Variants in EHBP1 observed in about 807,000 individuals in gnomAD.
EHBP1 encodes EH domain binding protein 1.
Under a neutral mutation model 144.0 loss-of-function variants are expected in EHBP1, and 55 were observed. The ratio of observed to expected loss-of-function variants is 0.38; its 90% CI spans 0.31 to 0.48. The LOEUF (loss-of-function observed/expected upper bound fraction) is 0.48. Ranked by LOEUF, EHBP1 falls within the 20% of genes least tolerant of loss-of-function variation. EHBP1 has a pLI of 0.98. For synonymous variants in EHBP1, 469 were observed against 472.7 expected, an observed-to-expected ratio of 0.99 and a Z score of 0.10; for missense variants, 1,200 against 1,364.2, an observed-to-expected ratio of 0.88 and a Z score of 1.90.
chr2:62,815,005 G>A (rs1235149617), intron 5 of EHBP1, among the ~76,000 whole-genome samples: 12 of 152,128 alleles, frequency 7.9e-5, no homozygotes, highest in Non-Finnish European at 1.5e-5. Flanking sequence ...CCCTGAAATG[G>A]CACTTATAGA....
rs1345706398 is a variant in EHBP1 at position 62,943,824 on chromosome 2, C to G, written c.1387C>G (p.Gln463Glu). 6.2e-7 allele frequency: 1 copy of G among 1,603,768 alleles called. No individual in the cohort carries two copies. Among genetic ancestry groups the G allele is most frequent in the Non-Finnish European group, 8.5e-7 (1 of 1,173,640 alleles). Reference sequence around the variant, plus strand: ...CAGTGACTACAAGTCTCTGAATCCTCAAGATATTAAAGAGAACAACAAAAA... The same window carrying G: ...CAGTGACTACAAGTCTCTGAATCCTGAAGATATTAAAGAGAACAACAAAAA... ...DLIDYKSLNP[Q>E]DIKENNKKAY... Residue 463 changes from glutamine to glutamate, a missense_variant, in exon 12 of 23, where the codon CAA becomes GAA. Transcript: ENST00000431489.
intron 2 of EHBP1, among the ~76,000 whole-genome samples, chr2:62,713,681 T>C (rs1379213413): frequency 1.3e-5 from 2 of 152,246 alleles, no homozygotes; most frequent in African/African-American, 4.8e-5. Flanking sequence ...TGCAGTACTT[T>C]CTATGTTGCA....
chr2:62,845,661 C>T (rs946255301), intron 7 of EHBP1, among the ~76,000 whole-genome samples: 11 of 148,792 alleles, frequency 7.4e-5, no homozygotes, highest in South Asian at 2.1e-4. Context: ...CTAGGCATCT[C>T]GTGAACAAAA....
chr2:63,011,142 C>CAAA (rs58109395), intron 19 of EHBP1, among the ~76,000 whole-genome samples: 5 of 43,826 alleles, frequency 1.1e-4, no homozygotes, highest in East Asian at 1.4e-3. Flanking sequence ...CCTCACTTGT[C>CAAA]AAAAAAAAAA....
chr2:62,912,171 C>T (rs1229320101), intron 10 of EHBP1, among the ~76,000 whole-genome samples: 1 of 152,058 alleles, frequency 6.6e-6, no homozygotes, highest in Non-Finnish European at 1.5e-5. Flanking sequence ...TCAAGATAGT[C>T]ATCAGAGAGT....
intron 10 of EHBP1, among the ~76,000 whole-genome samples, chr2:62,875,662 A>G (rs917651536): frequency 7.2e-5 from 11 of 152,218 alleles, no homozygotes; most frequent in African/African-American, 2.7e-4. Flanking sequence ...AATGACAGAC[A>G]TAGAATTCAG....
intron 1 of EHBP1, among the ~76,000 whole-genome samples, chr2:62,699,110 TC>T (rs1305673117): frequency 1.3e-5 from 2 of 152,220 alleles, no homozygotes; most frequent in Non-Finnish European, 2.9e-5. Context: ...TCTTTGCCTT[TC>T]CTGTCTAGCC....
chr2:62,950,042 A>C (rs575570258), intron 13 of EHBP1, among the ~76,000 whole-genome samples: 47 of 152,186 alleles, frequency 3.1e-4, no homozygotes, highest in Non-Finnish European at 6.8e-4. Context: ...TTTTAGGCAA[A>C]ATAAATTGAT....
chr2:62,750,774 GCT>G (rs1351703701), intron 3 of EHBP1, among the ~76,000 whole-genome samples: 1 of 152,018 alleles, frequency 6.6e-6, no homozygotes, highest in Admixed American at 6.6e-5. Flanking sequence ...TCATGATTTG[GCT>G]CTCTGTTTGT....
At chr2:62,840,169 C>T (rs1017336687) in intron 7 of EHBP1, among the ~76,000 whole-genome samples, 1 of 149,734 alleles carries the variant, frequency 6.7e-6, no homozygotes, top group African/African-American at 2.5e-5. Context: ...GAACAGAGCC[C>T]TCAGAAATAA....
At chr2:62,853,734 A>G (rs1431498268) in intron 7 of EHBP1, among the ~76,000 whole-genome samples, 1 of 152,220 alleles carries the variant, frequency 6.6e-6, no homozygotes, top group African/African-American at 2.4e-5. Context: ...TTGAAAATCA[A>G]AATTACTCCT....
At chr2:62,834,626 GACTT>G (rs947869048) in intron 7 of EHBP1, among the ~76,000 whole-genome samples, 11 of 152,292 alleles carry the variant, frequency 7.2e-5, no homozygotes, top group African/African-American at 2.6e-4. Context: ...AAGTTTTTGT[GACTT>G]ACTTTATTGC....
intron 1 of EHBP1, among the ~76,000 whole-genome samples, chr2:62,678,248 T>C (rs1295556367): frequency 6.6e-6 from 1 of 152,214 alleles, no homozygotes; most frequent in Non-Finnish European, 1.5e-5. Context: ...TGTTGAAAAT[T>C]TTTTCATATA....
intron 10 of EHBP1, among the ~76,000 whole-genome samples, chr2:62,922,695 A>G (rs964550418): frequency 3.9e-5 from 6 of 152,222 alleles, no homozygotes; most frequent in South Asian, 4.1e-4. Context: ...AGGAGTGTCA[A>G]AGAAAGAGCA....
At chr2:62,755,458 G>A (rs2152267655) in intron 3 of EHBP1, among the ~76,000 whole-genome samples, 1 of 151,788 alleles carries the variant, frequency 6.6e-6, no homozygotes, top group East Asian at 1.9e-4. Context: ...AGCTGCTATA[G>A]ACATTATTGT....
intron 10 of EHBP1, among the ~76,000 whole-genome samples, chr2:62,919,332 G>A (rs2054881654): frequency 6.6e-6 from 1 of 152,112 alleles, no homozygotes; most frequent in African/African-American, 2.4e-5. Flanking sequence ...CCCCTTTTGG[G>A]AGACAGGCAT....
chr2:62,699,905 C>A (rs2034224744), intron 1 of EHBP1, among the ~76,000 whole-genome samples: 1 of 152,194 alleles, frequency 6.6e-6, no homozygotes, highest in East Asian at 1.9e-4. Flanking sequence ...CCTCTAGCAA[C>A]CAAGCCCATG....
At chr2:62,779,782 G>A (rs112467159) in intron 5 of EHBP1, among the ~76,000 whole-genome samples, 121 of 152,226 alleles carry the variant, frequency 7.9e-4, no homozygotes, top group Non-Finnish European at 1.5e-3. Flanking sequence ...TCAAGATCCA[G>A]TGTTTTATTT....
chr2:63,021,814 T>G (rs1559078584), intron 19 of EHBP1, among the ~76,000 whole-genome samples: 1 of 151,938 alleles, frequency 6.6e-6, no homozygotes. Flanking sequence ...TCGCCCGGGC[T>G]AGAGTGTAGT....
Sources: allele counts gnomAD v4.1 joint callset (sites outside exome capture counted in the v4.1 genomes callset), GRCh38; gene constraint gnomAD v4.1.1; transcripts MANE v1.5; gene names NCBI Gene and HGNC (gene_info 2026-07-23, HGNC 2026-07-21).